The following CTNNA3 variants were observed in gnomAD, a reference collection of about 807,000 sequenced individuals.
CTNNA3 encodes the protein catenin alpha 3.
A neutral mutation model predicts 95.7 loss-of-function variants in CTNNA3; 76 were observed. The observed-to-expected ratio is 0.79, with a 90% CI of 0.66 to 0.96. CTNNA3 has a LOEUF of 0.96. CTNNA3 is among the 40% of genes least tolerant of loss of function. The pLI, the probability that CTNNA3 is intolerant of heterozygous loss-of-function variation, is 0.00. For missense variants in CTNNA3, 1,191 were observed against 1,089.8 expected, an observed-to-expected ratio of 1.09 and a Z score of -1.31; for synonymous variants, 431 against 374.4, an observed-to-expected ratio of 1.15 and a Z score of -1.74.
intron 15 of CTNNA3, among the ~76,000 whole-genome samples, chr10:66,060,075 G>A (rs1210557187): frequency 6.6e-6 from 1 of 151,986 alleles, no homozygotes. Context: ...TTAAGGAAAT[G>A]CATCCTAGGT....
chr10:67,278,334 G>A (rs190655726), intron 5 of CTNNA3, among the ~76,000 whole-genome samples: 1 of 152,154 alleles, frequency 6.6e-6, no homozygotes, highest in Non-Finnish European at 1.5e-5. Flanking sequence ...TGTGCCCAAG[G>A]TGGTCAGGGT....
chr10:66,025,798 G>C (rs1322383761), intron 15 of CTNNA3, among the ~76,000 whole-genome samples: 1 of 152,128 alleles, frequency 6.6e-6, no homozygotes, highest in East Asian at 1.9e-4. Context: ...TTACAAATAA[G>C]AGACATCCTA....
intron 13 of CTNNA3, among the ~76,000 whole-genome samples, chr10:66,203,789 A>T (rs1038602477): frequency 2.0e-5 from 3 of 152,142 alleles, no homozygotes; most frequent in African/African-American, 7.2e-5. Flanking sequence ...CATTAACTGA[A>T]ATTCAAATGT....
chr10:66,308,665 T>TCC (rs2091963442), intron 12 of CTNNA3, among the ~76,000 whole-genome samples: 1 of 152,324 alleles, frequency 6.6e-6, no homozygotes, highest in South Asian at 2.1e-4. Context: ...ATATTTAAAA[T>TCC]CATCACTATT....
At chr10:66,945,544 A>G (rs548768287) in intron 7 of CTNNA3, among the ~76,000 whole-genome samples, 9 of 152,294 alleles carry the variant, frequency 5.9e-5, no homozygotes, top group African/African-American at 1.7e-4. Context: ...CATATCAGCA[A>G]TAAGTCTGTT....
At chr10:67,702,045 G>C (rs1841044224) in intron 1 of CTNNA3, among the ~76,000 whole-genome samples, 1 of 152,208 alleles carries the variant, frequency 6.6e-6, no homozygotes, top group South Asian at 2.1e-4. Flanking sequence ...TTACATAATG[G>C]TAAAGGGATC....
intron 7 of CTNNA3, among the ~76,000 whole-genome samples, chr10:66,819,464 A>G (rs2132286854): frequency 6.6e-6 from 1 of 152,282 alleles, no homozygotes; most frequent in East Asian, 1.9e-4. Context: ...CAAAAGTACG[A>G]GCAGCGAAAA....
rs373411740 is a variant in CTNNA3 at position 67,048,938 on chromosome 10, ACTTAGTTATTC to A, written c.1047+131368_1047+131378del. On this transcript the variant is annotated intron_variant, in intron 7 of 17. Transcript: ENST00000433211. ...ACAACTAGTCATTCCTTAATTTTAT[ACTTAGTTATTC>A]CTTAGTTATTCTTAGTTATTCCTTA... Among the ~76,000 whole-genome samples, 1,446 of 151,986 alleles carry A rather than the reference ACTTAGTTATTC, an allele frequency of 9.5e-3. 10 individuals are homozygous for A. Among genetic ancestry groups the A allele is most frequent in the Non-Finnish European group, 0.014 (955 of 67,914 alleles).
At chr10:66,235,622 A>G (rs780843911) in intron 13 of CTNNA3, among the ~76,000 whole-genome samples, 12 of 152,096 alleles carry the variant, frequency 7.9e-5, no homozygotes, top group Admixed American at 2.6e-4. Flanking sequence ...ATATTTGTAG[A>G]ATTTTCGTGG....
chr10:67,443,863 T>C lies in CTNNA3; in HGVS notation c.579+77979A>G, dbSNP rs540492080. On this transcript the variant is annotated intron_variant, in intron 5 of 17. Transcript: ENST00000433211. ...TGCTTTTGGTGTTTCAGACATGAAGTCTTTGCCCATGCCTATGTCCTGAAT... is the reference window on the plus strand; with the variant it reads ...TGCTTTTGGTGTTTCAGACATGAAGCCTTTGCCCATGCCTATGTCCTGAAT... 5.9e-5 allele frequency among the ~76,000 whole-genome samples: 9 copies of C among 152,280 alleles called. No individual in the cohort carries two copies. The South Asian group carries it at 1.9e-3, about 32-fold the overall frequency.
intron 7 of CTNNA3, among the ~76,000 whole-genome samples, chr10:66,816,504 A>C (rs534467771): frequency 6.6e-6 from 1 of 152,244 alleles, no homozygotes; most frequent in South Asian, 2.1e-4. Context: ...AATACCATGC[A>C]AACAGAGCCC....
chr10:67,281,045 G>A (rs930980910), intron 5 of CTNNA3, among the ~76,000 whole-genome samples: 5 of 151,496 alleles, frequency 3.3e-5, no homozygotes, highest in Non-Finnish European at 7.4e-5. Flanking sequence ...ACATTTTTAC[G>A]TTTGACATTT....
chr10:66,493,625 C>T (rs1446524603), intron 11 of CTNNA3, among the ~76,000 whole-genome samples: 5 of 104,524 alleles, frequency 4.8e-5, no homozygotes, highest in African/African-American at 7.6e-5. Flanking sequence ...TTTTTGAGAC[C>T]GAGTCTCGCT....
intron 11 of CTNNA3, among the ~76,000 whole-genome samples, chr10:66,512,767 G>T (rs1840706425): frequency 6.6e-6 from 1 of 151,972 alleles, no homozygotes; most frequent in Admixed American, 6.6e-5. Context: ...ATAGCTTTAT[G>T]GTTTATAGTA....
intron 10 of CTNNA3, among the ~76,000 whole-genome samples, chr10:66,550,979 C>G (rs1221040614): frequency 2.0e-5 from 3 of 151,974 alleles, no homozygotes; most frequent in African/African-American, 7.3e-5. Context: ...CTTTTATATA[C>G]ATTGAAAACC....
At chr10:67,633,080 G>C (rs1201389677) in intron 2 of CTNNA3, among the ~76,000 whole-genome samples, 1 of 152,076 alleles carries the variant, frequency 6.6e-6, no homozygotes, top group Non-Finnish European at 1.5e-5. Context: ...GACAAAGAAG[G>C]GTCCCCGACA....
chr10:66,455,594 G>A (rs1911320), intron 11 of CTNNA3, among the ~76,000 whole-genome samples: 17,533 of 152,082 alleles, frequency 0.12, 1,438 homozygotes, highest in African/African-American at 0.23. Context: ...GTTACTGGCC[G>A]TTTTCTAGAG....
intron 2 of CTNNA3, among the ~76,000 whole-genome samples, chr10:67,626,082 T>A (rs1838944071): frequency 6.6e-6 from 1 of 151,272 alleles, no homozygotes; most frequent in Non-Finnish European, 1.5e-5. Context: ...CTCAGGAGAC[T>A]GAGACAGGAG....
intron 13 of CTNNA3, among the ~76,000 whole-genome samples, chr10:66,159,462 A>G (rs1165377785): frequency 6.6e-6 from 1 of 152,042 alleles, no homozygotes; most frequent in African/African-American, 2.4e-5. Flanking sequence ...TATCACATTT[A>G]TTGACTTGCA....
Sources: gnomAD v4.1 joint callset for allele counts (sites outside exome capture counted in the v4.1 genomes callset) on GRCh38, gnomAD v4.1.1 for gene constraint, MANE v1.5 for transcripts, NCBI Gene and HGNC (gene_info 2026-07-23, HGNC 2026-07-21) for gene names.